Variants in CYB5A observed in about 807,000 individuals in gnomAD.
CYB5A encodes cytochrome b5.
Under a neutral mutation model 16.2 loss-of-function variants are expected in CYB5A, and 10 were observed. The observed-to-expected ratio is 0.62, with a 90% CI of 0.38 to 1.04. The LOEUF (loss-of-function observed/expected upper bound fraction) is 1.04. Among genes scored for constraint, CYB5A ranks in the 50% least tolerant of loss-of-function variants. The pLI is 0.01. For synonymous variants in CYB5A, 62 were observed against 57.0 expected (o/e 1.09, Z -0.40); for missense variants, 161 against 165.9 (o/e 0.97, Z 0.16).
chr18:74,269,926 G>T (rs1982606344), intron 1 of CYB5A, among the ~76,000 whole-genome samples: 1 of 152,180 alleles, frequency 6.6e-6, no homozygotes, highest in Non-Finnish European at 1.5e-5. Flanking sequence ...GTCTAGAGGG[G>T]TGGCAGTAAT....
intron 1 of CYB5A, among the ~76,000 whole-genome samples, chr18:74,271,424 CG>C (rs1253057042): frequency 3.3e-5 from 5 of 152,150 alleles, no homozygotes; most frequent in Admixed American, 1.3e-4. Context: ...ATAGCTACCA[CG>C]GGTACCTCTC....
intron 1 of CYB5A, among the ~76,000 whole-genome samples, chr18:74,285,724 G>A (rs1374372543): frequency 1.3e-5 from 2 of 151,868 alleles, no homozygotes; most frequent in Non-Finnish European, 2.9e-5. Flanking sequence ...AGCTGGGCAT[G>A]GTGGCTCATG....
chr18:74,252,122 C>T lies in CYB5A; in HGVS notation c.*1462G>A, dbSNP rs1358664971. The T allele has an allele frequency of 6.6e-6, 1 of 152,170 alleles. No homozygotes were observed. The highest frequency in any genetic ancestry group is 1.5e-5 in the Non-Finnish European group (1 of 68,032). 9.4% of individuals were successfully genotyped at this position (152,170 alleles called of 1,614,324 possible). ...GTCAACTTTCAGTGACTAAAGAAGG[C>T]AAAGGCGGTGCATCCTATTTGATTA... is the stretch of plus-strand genomic sequence containing the variant. On this transcript the variant is annotated 3_prime_UTR_variant, in exon 5 of 5. Coordinates refer to ENST00000340533, the MANE Select transcript of CYB5A (RefSeq NM_148923.4).
At chr18:74,259,256 A>C (rs1325532259) in intron 3 of CYB5A, 1 of 152,248 alleles carries the variant, frequency 6.6e-6, no homozygotes, top group East Asian at 1.9e-4. Flanking sequence ...TGCTGGAATG[A>C]AGTAAGCCAT....
intron 1 of CYB5A, among the ~76,000 whole-genome samples, chr18:74,275,314 C>G (rs573729746): frequency 1.4e-4 from 22 of 152,252 alleles, no homozygotes; most frequent in African/African-American, 4.8e-4. Flanking sequence ...TGTGGTTAAA[C>G]TCTGGCTCAT....
chr18:74,278,203 G>T (rs1288052805), intron 1 of CYB5A, among the ~76,000 whole-genome samples: 1 of 152,136 alleles, frequency 6.6e-6, no homozygotes, highest in Non-Finnish European at 1.5e-5. Flanking sequence ...AACGCAGGCC[G>T]CCTGACTCCA....
chr18:74,288,553 G>A (rs181556243), intron 1 of CYB5A, among the ~76,000 whole-genome samples: 4 of 152,316 alleles, frequency 2.6e-5, no homozygotes, highest in East Asian at 3.9e-4. Flanking sequence ...AAAGAGGATC[G>A]GGCAAGCGGG....
chr18:74,253,434 T>C lies in CYB5A; in HGVS notation c.*150A>G. The C allele has an allele frequency of 1.6e-6, 1 of 606,742 alleles. No individual in the cohort carries two copies. Among genetic ancestry groups the C allele is most frequent in the Admixed American group, 2.7e-5 (1 of 37,348 alleles). 37.6% of individuals were successfully genotyped at this position (606,742 alleles called of 1,614,324 possible). A position where few individuals can be genotyped will look rare whatever the true frequency, so the allele number is the denominator to read the frequency against. ...AGCGCAGAAAGGACAGTTCTTTTTG[T>C]TTTGTTTCTAATGTCGGAAGAAAAA... On this transcript the variant is annotated 3_prime_UTR_variant, in exon 5 of 5. Transcript: ENST00000340533.
intron 3 of CYB5A, chr18:74,260,575 A>G: frequency 2.6e-6 from 1 of 383,476 alleles, no homozygotes; most frequent in South Asian, 2.1e-5. Context: ...ATCCATTCAG[A>G]TTTTAAGTTC....
At chr18:74,271,835 A>G (rs1171913158) in intron 1 of CYB5A, among the ~76,000 whole-genome samples, 3 of 152,214 alleles carry the variant, frequency 2.0e-5, no homozygotes, top group Non-Finnish European at 1.5e-5. Flanking sequence ...CAACTGACTC[A>G]TGCAAGGAGA....
At chr18:74,269,609 C>T (rs1982592191) in intron 1 of CYB5A, among the ~76,000 whole-genome samples, 1 of 152,198 alleles carries the variant, frequency 6.6e-6, no homozygotes, top group Non-Finnish European at 1.5e-5. Flanking sequence ...TACACTCCTT[C>T]CAGTCTTTCA....
intron 4 of CYB5A, among the ~76,000 whole-genome samples, chr18:74,254,002 A>G (rs1025050907): frequency 3.3e-5 from 5 of 152,112 alleles, no homozygotes; most frequent in African/African-American, 1.2e-4. Context: ...AACATAGTAA[A>G]AACCTTCTAC....
At chr18:74,270,171 T>C (rs1982616671) in intron 1 of CYB5A, among the ~76,000 whole-genome samples, 1 of 151,828 alleles carries the variant, frequency 6.6e-6, no homozygotes, top group Non-Finnish European at 1.5e-5. Context: ...GGGATGCTGG[T>C]GTCCCAGACC....
chr18:74,281,558 T>A (rs1405734133), intron 1 of CYB5A, among the ~76,000 whole-genome samples: 2 of 152,066 alleles, frequency 1.3e-5, no homozygotes, highest in Admixed American at 6.5e-5. Flanking sequence ...GTTGGAGAAC[T>A]GAGAGCTGAC....
rs1315611366 is a variant in CYB5A, at chr18:74,251,668, C to A, written c.*1916G>T. On this transcript the variant is annotated 3_prime_UTR_variant, in exon 5 of 5. Transcript: ENST00000340533. The stretch of plus-strand genomic sequence containing the variant: ...GTCTCTCACCTCTCTGAAGGGAAAG[C>A]AATAGAGAAAAAAGTGTCAAATATC... The A allele has an allele frequency of 6.6e-6, 1 of 152,102 alleles. No individual in the cohort carries two copies. Among genetic ancestry groups the A allele is most frequent in the Non-Finnish European group, 1.5e-5 (1 of 68,012 alleles). 9.4% of individuals were successfully genotyped at this position (152,102 alleles called of 1,614,324 possible). A position where few individuals can be genotyped will look rare whatever the true frequency, so the allele number is the denominator to read the frequency against.
At chr18:74,256,153 A>T (rs935379722) in intron 3 of CYB5A, 3 of 194,558 alleles carry the variant, frequency 1.5e-5, no homozygotes, top group African/African-American at 7.1e-5. Flanking sequence ...CTTCAAAAGC[A>T]TGAACACAAT....
chr18:74,285,050 G>C (rs552654571), intron 1 of CYB5A, among the ~76,000 whole-genome samples: 30 of 152,234 alleles, frequency 2.0e-4, no homozygotes, highest in Non-Finnish European at 3.8e-4. Context: ...AGAAAACTAG[G>C]TCCAAGGGTA....
At chr18:74,263,146 CAA>C (rs374767854) in intron 2 of CYB5A, among the ~76,000 whole-genome samples, 20 of 85,828 alleles carry the variant, frequency 2.3e-4, no homozygotes, top group Non-Finnish European at 2.4e-4. Flanking sequence ...AGACCTGTCT[CAA>C]AAAAAAAAAA....
chr18:74,271,960 A>G (rs1378723424), intron 1 of CYB5A, among the ~76,000 whole-genome samples: 1 of 152,232 alleles, frequency 6.6e-6, no homozygotes, highest in Non-Finnish European at 1.5e-5. Context: ...TAAGGCATAA[A>G]GAGATGTAGA....
Sources: gnomAD v4.1 joint callset for allele counts (sites outside exome capture counted in the v4.1 genomes callset) on GRCh38, gnomAD v4.1.1 for gene constraint, MANE v1.5 for transcripts, NCBI Gene and HGNC (gene_info 2026-07-23, HGNC 2026-07-21) for gene names.